DENND1B: variants seen among roughly 807,000 people sequenced by gnomAD.
The protein encoded by DENND1B is DENN domain containing 1B, also known as DENN domain-containing protein 1B.
A neutral mutation model predicts 90.1 loss-of-function variants in DENND1B; 59 were observed. The observed-to-expected ratio is 0.65, with a 90% CI of 0.53 to 0.81. The LOEUF (loss-of-function observed/expected upper bound fraction) is 0.81. Among genes scored for constraint, DENND1B ranks in the 40% least tolerant of loss-of-function variants. DENND1B has a pLI of 0.00. For missense variants in DENND1B, 862 were observed against 912.6 expected (o/e 0.94, Z 0.71); for synonymous variants, 337 against 324.6 (o/e 1.04, Z -0.41).
intron 3 of DENND1B, among the ~76,000 whole-genome samples, chr1:197,678,655 T>G (rs1019143665): frequency 6.6e-6 from 1 of 152,196 alleles, no homozygotes; most frequent in Admixed American, 6.5e-5. Flanking sequence ...CAAAGTTATA[T>G]TAACAGGGTG....
intron 2 of DENND1B, among the ~76,000 whole-genome samples, chr1:197,718,744 T>G (rs1420922626): frequency 2.0e-5 from 3 of 151,986 alleles, no homozygotes; most frequent in African/African-American, 7.2e-5. Context: ...GAGAACATTC[T>G]AGAGTGAAGA....
intron 3 of DENND1B, among the ~76,000 whole-genome samples, chr1:197,686,980 C>T (rs1223877032): frequency 6.6e-6 from 1 of 152,112 alleles, no homozygotes; most frequent in Non-Finnish European, 1.5e-5. Flanking sequence ...CTTCAATTTC[C>T]TATTCTGTGA....
chr1:197,737,299 A>C (rs1662789442), intron 2 of DENND1B, among the ~76,000 whole-genome samples: 1 of 152,208 alleles, frequency 6.6e-6, no homozygotes, highest in African/African-American at 2.4e-5. Flanking sequence ...AAACTTTCAG[A>C]TGCATAACAA....
At chr1:197,575,257 A>T (rs1673564622) in intron 15 of DENND1B, among the ~76,000 whole-genome samples, 1 of 151,950 alleles carries the variant, frequency 6.6e-6, no homozygotes, top group Non-Finnish European at 1.5e-5. Flanking sequence ...AAAAAAAACC[A>T]TTAAAAAGTG....
At chr1:197,552,347 G>A (rs1571849242) in intron 16 of DENND1B, 4 of 984,884 alleles carry the variant, frequency 4.1e-6, no homozygotes, top group Admixed American at 6.2e-5. Context: ...GAATGAACAC[G>A]ACATTTCAAG....
intron 2 of DENND1B, among the ~76,000 whole-genome samples, chr1:197,720,419 T>G (rs1456906188): frequency 1.3e-5 from 2 of 151,998 alleles, no homozygotes; most frequent in East Asian, 1.9e-4. Context: ...TTTTTTCTTT[T>G]TTGTAAAGAT....
intron 8 of DENND1B, among the ~76,000 whole-genome samples, chr1:197,646,736 G>A (rs946966398): frequency 1.2e-4 from 18 of 151,776 alleles, no homozygotes. Flanking sequence ...GTGATCTTGG[G>A]ACCAAAAAAT....
At chr1:197,523,139 C>T (rs1428944190) in intron 20 of DENND1B, among the ~76,000 whole-genome samples, 1 of 152,084 alleles carries the variant, frequency 6.6e-6, no homozygotes, top group Non-Finnish European at 1.5e-5. Flanking sequence ...CAGGGACAGG[C>T]ATGAAGTCCC....
rs760931906 is a variant in DENND1B, at chr1:197,509,558, T to C, written c.*902A>G. 1 of 151,908 alleles carries C rather than the reference T, an allele frequency of 6.6e-6. No individual in the cohort carries two copies. Among genetic ancestry groups the C allele is most frequent in the Non-Finnish European group, 1.5e-5 (1 of 67,848 alleles). 9.4% of individuals were successfully genotyped at this position (151,908 alleles called of 1,614,324 possible). A position where few individuals can be genotyped will look rare whatever the true frequency, so the allele number is the denominator to read the frequency against. On this transcript the variant is annotated 3_prime_UTR_variant, in exon 23 of 23. Transcript: ENST00000620048. ...AAAACTTCTAAAATACAAAGTCAAT[T>C]ATTTTAAAAAGTAAATTTGAGATGA... is the stretch of plus-strand genomic sequence containing the variant.
chr1:197,668,729 T>C (rs1655189936), intron 5 of DENND1B, among the ~76,000 whole-genome samples: 1 of 151,954 alleles, frequency 6.6e-6, no homozygotes, highest in Non-Finnish European at 1.5e-5. Context: ...TAAATACCTT[T>C]GTTCATACTT....
intron 2 of DENND1B, chr1:197,735,484 T>TC: frequency 6.4e-7 from 1 of 1,563,362 alleles, no homozygotes; most frequent in Non-Finnish European, 8.7e-7. Flanking sequence ...GAAGAAGTGA[T>TC]CTAAAGTTTT....
chr1:197,764,628 AC>A (rs2102475241), intron 2 of DENND1B, among the ~76,000 whole-genome samples: 1 of 152,250 alleles, frequency 6.6e-6, no homozygotes, highest in South Asian at 2.1e-4. Flanking sequence ...GATACATTTG[AC>A]CCTTAGTCAA....
intron 2 of DENND1B, chr1:197,735,374 T>C (rs1662545145): frequency 2.9e-6 from 4 of 1,368,634 alleles, no homozygotes; most frequent in Admixed American, 6.1e-5. Context: ...GCAATTAAAC[T>C]AAATAAAATT....
At chr1:197,762,580 TAAC>T (rs1017250868) in intron 2 of DENND1B, among the ~76,000 whole-genome samples, 3 of 152,214 alleles carry the variant, frequency 2.0e-5, no homozygotes, top group African/African-American at 7.2e-5. Context: ...TCCATGTATT[TAAC>T]AACAATCCCT....
chr1:197,721,542 T>A (rs936919233), intron 2 of DENND1B, among the ~76,000 whole-genome samples: 4 of 151,860 alleles, frequency 2.6e-5, no homozygotes, highest in African/African-American at 9.7e-5. Context: ...ATTACACAAG[T>A]AAGACAAGCA....
chr1:197,772,744 G>A, intron 2 of DENND1B, 124 bp downstream of exon 2: 1 of 767,964 alleles, frequency 1.3e-6, no homozygotes, highest in East Asian at 2.7e-5. Context: ...AGGATCACCT[G>A]AACCCGGGAA....
At chr1:197,725,758 G>C (rs1390255904) in intron 2 of DENND1B, among the ~76,000 whole-genome samples, 1 of 151,958 alleles carries the variant, frequency 6.6e-6, no homozygotes, top group African/African-American at 2.4e-5. Context: ...GGCCTTGAGA[G>C]TGATAAAAAG....
chr1:197,700,709 T>C (rs1190400603), intron 3 of DENND1B, among the ~76,000 whole-genome samples: 5 of 152,140 alleles, frequency 3.3e-5, no homozygotes, highest in Admixed American at 6.5e-5. Context: ...AAACGTCTAA[T>C]ATCCAGAATT....
intron 3 of DENND1B, among the ~76,000 whole-genome samples, chr1:197,703,969 G>T (rs1276795407): frequency 6.6e-6 from 1 of 152,130 alleles, no homozygotes; most frequent in Admixed American, 6.5e-5. Flanking sequence ...TAAACTTTTT[G>T]GTCAGACTCA....
Sources: gnomAD v4.1 joint callset for allele counts (sites outside exome capture counted in the v4.1 genomes callset) on GRCh38, gnomAD v4.1.1 for gene constraint, MANE v1.5 for transcripts, NCBI Gene and HGNC (gene_info 2026-07-23, HGNC 2026-07-21) for gene names.